The following PTPN3 variants were observed in gnomAD, a reference collection of about 807,000 sequenced individuals.
The protein encoded by PTPN3 is tyrosine-protein phosphatase non-receptor type 3.
Under a neutral mutation model 132.7 loss-of-function variants are expected in PTPN3, and 96 were observed. The ratio of observed to expected loss-of-function variants is 0.72; its 90% CI spans 0.61 to 0.86. PTPN3 has a LOEUF of 0.86. Among genes scored for constraint, PTPN3 ranks in the 40% least tolerant of loss-of-function variants. The pLI, the probability that PTPN3 is intolerant of heterozygous loss-of-function variation, is 0.00. For missense variants in PTPN3, 1,125 were observed against 1,159.6 expected, an observed-to-expected ratio of 0.97 and a Z score of 0.43; for synonymous variants, 398 against 429.0, an observed-to-expected ratio of 0.93 and a Z score of 0.89.
chr9:109,474,626 G>A (rs1564474791), intron 1 of PTPN3, among the ~76,000 whole-genome samples: 1 of 152,144 alleles, frequency 6.6e-6, no homozygotes, highest in Non-Finnish European at 1.5e-5. Flanking sequence ...AAGGTTGGGG[G>A]GGAAAATGCA....
intron 1 of PTPN3, among the ~76,000 whole-genome samples, chr9:109,484,237 G>A (rs899230930): frequency 2.6e-5 from 4 of 152,198 alleles, no homozygotes; most frequent in African/African-American, 9.7e-5. Flanking sequence ...CCAGACAGCT[G>A]AGCCAGTACT....
At chr9:109,427,618 A>G (rs1412192648) in intron 11 of PTPN3, among the ~76,000 whole-genome samples, 1 of 152,180 alleles carries the variant, frequency 6.6e-6, no homozygotes, top group Non-Finnish European at 1.5e-5. Flanking sequence ...CTTTGCCTGC[A>G]TTCTGCATGA....
rs755576588 is a variant in PTPN3 at position 109,391,188 on chromosome 9, G to A, written c.2056C>T (p.Arg686Trp). The change falls in exon 21 of 26, where the codon CGG (arginine) becomes TGG (tryptophan). Residue 686 changes from arginine to tryptophan, a missense_variant. Transcript: ENST00000374541. ...YKDVLPYDTT[R>W]VLLQGNEDYI... ...TCTTCATTTCCCTGCAATAATACCC[G>A]GGTGGTGTCATCTGCGGGGAAGAGA... 3.1e-6 allele frequency: 5 copies of A among 1,612,924 alleles called. No homozygotes were observed. The highest frequency in any genetic ancestry group is 1.3e-5 in the African/African-American group (1 of 74,846).
intron 7 of PTPN3, among the ~76,000 whole-genome samples, chr9:109,442,551 A>G (rs1844562918): frequency 1.3e-5 from 2 of 152,242 alleles, no homozygotes; most frequent in African/African-American, 4.8e-5. Context: ...AGTTCTTTGC[A>G]GAAGGGAACC....
At chr9:109,468,072 A>C (rs1846187810) in intron 1 of PTPN3, among the ~76,000 whole-genome samples, 3 of 152,184 alleles carry the variant, frequency 2.0e-5, no homozygotes, top group African/African-American at 7.2e-5. Flanking sequence ...CATCTTAAAC[A>C]ATCTGGTCGG....
intron 5 of PTPN3, chr9:109,450,086 C>T: frequency 9.1e-6 from 9 of 984,576 alleles, no homozygotes; most frequent in Non-Finnish European, 1.1e-5. Flanking sequence ...TATAAAAAAA[C>T]TCACTATGCT....
the PTPN3 span, among the ~76,000 whole-genome samples, chr9:109,524,541 C>T: frequency 6.6e-6 from 1 of 152,104 alleles, no homozygotes; most frequent in African/African-American, 2.4e-5. Flanking sequence ...GGGATATAAA[C>T]AAGAAGTTTA....
intron 1 of PTPN3, among the ~76,000 whole-genome samples, chr9:109,484,816 C>T (rs117125190): frequency 0.013 from 2,000 of 152,328 alleles, 13 homozygotes; most frequent in Non-Finnish European, 0.02. Flanking sequence ...CCTGACTGCT[C>T]ATCCTCACGC....
At chr9:109,394,696 T>C (rs1367374368) in intron 19 of PTPN3, among the ~76,000 whole-genome samples, 1 of 152,222 alleles carries the variant, frequency 6.6e-6, no homozygotes, top group Non-Finnish European at 1.5e-5. Context: ...TATACAATGA[T>C]GATCATATAG....
chr9:109,473,737 T>A (rs1246808906), intron 1 of PTPN3, among the ~76,000 whole-genome samples: 1 of 152,162 alleles, frequency 6.6e-6, no homozygotes, highest in Non-Finnish European at 1.5e-5. Flanking sequence ...AAAACCTTTT[T>A]CTTGAAGTAT....
At chr9:109,472,419 A>G (rs1846426983) in intron 1 of PTPN3, among the ~76,000 whole-genome samples, 2 of 152,232 alleles carry the variant, frequency 1.3e-5, no homozygotes, top group South Asian at 4.1e-4. Flanking sequence ...TTCTTTTTAA[A>G]AATGTTATTT....
At position 109,377,394 on chromosome 9, in the gene PTPN3, CT is replaced by C. The variant is rs1838651128; in HGVS notation, c.*2161del. ...TAGGCAACACATCAAGATCCTGTCT[CT>C]ACACACACACACACACACACACACA... On this transcript the variant is annotated 3_prime_UTR_variant, in exon 26 of 26. Coordinates refer to ENST00000374541, the MANE Select transcript of PTPN3 (RefSeq NM_002829.4). 8.6e-6 allele frequency: 1 copy of C among 115,682 alleles called. No individual in the cohort carries two copies. Among genetic ancestry groups the C allele is most frequent in the Non-Finnish European group, 1.8e-5 (1 of 55,200 alleles). 7.2% of individuals were successfully genotyped at this position (115,682 alleles called of 1,614,324 possible).
chr9:109,526,192 A>G, the PTPN3 span, among the ~76,000 whole-genome samples: 97 of 152,348 alleles, frequency 6.4e-4, no homozygotes, highest in African/African-American at 2.2e-3. Flanking sequence ...ACAACCATAA[A>G]GCATTGCTGA....
intron 1 of PTPN3, among the ~76,000 whole-genome samples, chr9:109,463,929 G>A (rs151287947): frequency 1.3e-5 from 2 of 152,264 alleles, no homozygotes; most frequent in African/African-American, 2.4e-5. Flanking sequence ...GGAGATAGTC[G>A]CAATATATAC....
At chr9:109,427,153 A>G (rs1350051463) in intron 11 of PTPN3, 31 bp from the exon 12 acceptor site, 2 of 1,608,780 alleles carry the variant, frequency 1.2e-6, no homozygotes, top group Non-Finnish European at 1.7e-6. Context: ...GATTTCACCC[A>G]CACAGACATA....
chr9:109,433,726 C>A (rs760256718), intron 9 of PTPN3, among the ~76,000 whole-genome samples: 1 of 151,902 alleles, frequency 6.6e-6, no homozygotes, highest in African/African-American at 2.4e-5. Flanking sequence ...GGCAACATGG[C>A]GAAACTCTGT....
At chr9:109,506,431 G>A in the PTPN3 span, among the ~76,000 whole-genome samples, 6 of 152,024 alleles carry the variant, frequency 3.9e-5, no homozygotes, top group South Asian at 2.1e-4. Context: ...TGTACCTTCT[G>A]AATTTTCTTC....
chr9:109,388,562 G>A (rs146882038), intron 22 of PTPN3, among the ~76,000 whole-genome samples: 279 of 152,248 alleles, frequency 1.8e-3, no homozygotes, highest in Non-Finnish European at 2.7e-3. Context: ...CGGAGCTGGC[G>A]GACAGCAGCC....
In PTPN3 at chr9:109,413,367, G is replaced by A. The variant is rs146715831; in HGVS notation, c.1314-2952C>T. Among the ~76,000 whole-genome samples the A allele has an allele frequency of 1.7e-3, 257 of 152,272 alleles. 1 individual carries two copies. Among genetic ancestry groups the A allele is most frequent in the African/African-American group, 5.6e-3 (234 of 41,548 alleles). ...TGTACACAGGTGCTCTGTAGGGCGC[G>A]GTGATATTCTGTTCAGTGTGCAAGA... On this transcript the variant is annotated intron_variant, in intron 14 of 25. Transcript: ENST00000374541.
Sources: allele counts gnomAD v4.1 joint callset (sites outside exome capture counted in the v4.1 genomes callset), GRCh38; gene constraint gnomAD v4.1.1; transcripts MANE v1.5; gene names NCBI Gene and HGNC (gene_info 2026-07-23, HGNC 2026-07-21).